Variants in SLC15A1 observed in about 807,000 individuals in gnomAD.
SLC15A1 encodes the protein Caco-2 oligopeptide transporter.
SLC15A1 carries 83 observed loss-of-function variants against 92.9 expected under a neutral mutation model. The ratio of observed to expected loss-of-function variants is 0.89; its 90% CI spans 0.75 to 1.07. The LOEUF is 1.07. Among genes scored for constraint, SLC15A1 ranks in the 50% least tolerant of loss-of-function variants. The pLI, the probability that SLC15A1 is intolerant of heterozygous loss-of-function variation, is 0.00. For synonymous variants in SLC15A1, 322 were observed against 318.2 expected (o/e 1.01, Z -0.13); for missense variants, 857 against 880.1 (o/e 0.97, Z 0.33).
rs8187838 is a variant in SLC15A1, at chr13:98,704,353, G to T, written c.1352C>A (p.Thr451Asn). 0.025 allele frequency: 41,139 copies of T among 1,613,798 alleles called. 697 individuals carry two copies. The highest frequency in any genetic ancestry group is 0.05 in the South Asian group (4,580 of 91,000). The change falls in exon 17 of 23, where the codon ACT becomes AAT. Residue 451 changes from threonine (T) to asparagine (N), a missense_variant. Transcript: ENST00000376503. ...GCGTTGGCCCTGCTTGAAGTCGTCA[G>T]TTACAGCAGTGACTGGTGATCCAGG... is the stretch of plus-strand genomic sequence containing the variant. ...SSPGSPVTAV[T>N]DDFKQGQRHT...
At chr13:98,730,263 G>A (rs1594004456) in intron 1 of SLC15A1, among the ~76,000 whole-genome samples, 1 of 68,916 alleles carries the variant, frequency 1.5e-5, no homozygotes, top group Non-Finnish European at 2.7e-5. Flanking sequence ...GGAAGGGGAG[G>A]GGAAGGGGAG....
Position 98,719,264 on chromosome 13 carries a change from G to A in SLC15A1, c.613C>T (p.Pro205Ser). 3 of 1,613,804 alleles carry A rather than the reference G, an allele frequency of 1.9e-6. No individual in the cohort carries two copies. The highest frequency in any genetic ancestry group is 2.5e-6 in the Non-Finnish European group (3 of 1,179,774). ...QACYPLAFGV[P>S]AALMAVALIV... The stretch of plus-strand genomic sequence containing the variant: ...AGGGCTACAGCCATGAGAGCAGCAG[G>A]AACCCCAAAGGCCAGTGGGTAACAA... Residue 205 changes from proline to serine, a missense_variant, in exon 8 of 23, where the codon CCT (proline) becomes TCT (serine). Coordinates refer to ENST00000376503, the MANE Select transcript of SLC15A1 (RefSeq NM_005073.4).
intron 18 of SLC15A1, among the ~76,000 whole-genome samples, chr13:98,697,607 G>A (rs1389795743): frequency 6.8e-6 from 1 of 146,822 alleles, no homozygotes; most frequent in Non-Finnish European, 1.5e-5. Context: ...CACAAAGACT[G>A]GCTGATGCTT....
chr13:98,719,342 A>G, intron 7 of SLC15A1, 22 bp from the exon 8 acceptor site: 1 of 1,570,148 alleles, frequency 6.4e-7, no homozygotes, highest in Middle Eastern at 1.7e-4. Flanking sequence ...TGACAAGATT[A>G]AAATTGTTAT....
At chr13:98,702,443 A>ATT in intron 18 of SLC15A1, 37 bp downstream of exon 18, 1 of 1,417,014 alleles carries the variant, frequency 7.1e-7, no homozygotes, top group Non-Finnish European at 1.0e-6. Flanking sequence ...TTTCATAAGA[A>ATT]TCTGATAAAA....
chr13:98,689,716 C>A (rs2087959952), intron 18 of SLC15A1, among the ~76,000 whole-genome samples: 1 of 152,176 alleles, frequency 6.6e-6, no homozygotes, highest in South Asian at 2.1e-4. Context: ...TCCCAAAGCA[C>A]TGGGATTATG....
At chr13:98,685,135 A>G (rs1171350439) in intron 22 of SLC15A1, among the ~76,000 whole-genome samples, 1 of 152,242 alleles carries the variant, frequency 6.6e-6, no homozygotes, top group Non-Finnish European at 1.5e-5. Context: ...TGTTTTGAAC[A>G]GCACTAAGGT....
intron 1 of SLC15A1, among the ~76,000 whole-genome samples, chr13:98,736,905 C>T (rs1309239104): frequency 1.3e-5 from 2 of 152,162 alleles, no homozygotes; most frequent in Non-Finnish European, 2.9e-5. Flanking sequence ...GGAGTGTAAA[C>T]TAGTTCAACC....
rs370733049 is a variant in SLC15A1, at chr13:98,719,224, G to A, written c.640+13C>T. 155 of 1,604,658 alleles carry A rather than the reference G, an allele frequency of 9.7e-5. No individual in the cohort carries two copies. Among genetic ancestry groups the A allele is most frequent in the Middle Eastern group, 3.3e-4 (2 of 6,054 alleles). On this transcript the variant is annotated intron_variant, in intron 8 of 22. Coordinates refer to ENST00000376503, the MANE Select transcript of SLC15A1 (RefSeq NM_005073.4). ...GTCCTAGGCTTCTATTAATTCAACC[G>A]ATTTCCACTTACTCAGGGCTACAGC...
intron 5 of SLC15A1, among the ~76,000 whole-genome samples, chr13:98,723,187 GAC>G: frequency 6.6e-6 from 1 of 152,216 alleles, no homozygotes; most frequent in South Asian, 2.1e-4. Flanking sequence ...TCCCTCCACC[GAC>G]ACAGTTCCCT....
rs548376910 is a variant in SLC15A1, at chr13:98,725,509, G to T, written c.245+614C>A. The stretch of plus-strand genomic sequence containing the variant: ...TTTAGAGAGTTTCTTCATATCCCCA[G>T]ACCTTAACTCCATGCCTCACACATC... On this transcript the variant is annotated intron_variant, in intron 4 of 22. Coordinates refer to ENST00000376503, the MANE Select transcript of SLC15A1 (RefSeq NM_005073.4). Among the ~76,000 whole-genome samples, 4 of 152,266 alleles carry T rather than the reference G, an allele frequency of 2.6e-5. 1 individual carries two copies. The highest frequency in any genetic ancestry group is 9.6e-5 in the African/African-American group (4 of 41,556).
chr13:98,706,775 T>C (rs764635047), intron 15 of SLC15A1, among the ~76,000 whole-genome samples: 1 of 152,130 alleles, frequency 6.6e-6, no homozygotes, highest in Non-Finnish European at 1.5e-5. Context: ...CAGTCTTGGG[T>C]ACGTCTTTAT....
Position 98,747,064 on chromosome 13 carries a change from T to A in SLC15A1, c.4+5531A>T, listed in dbSNP as rs1325275989. Among the ~76,000 whole-genome samples, 3 of 152,036 alleles carry A rather than the reference T, an allele frequency of 2.0e-5. No homozygotes were observed. In the South Asian group the frequency reaches 6.2e-4, roughly 32 times the overall value. On this transcript the variant is annotated intron_variant, in intron 1 of 22. Coordinates refer to ENST00000376503, the MANE Select transcript of SLC15A1 (RefSeq NM_005073.4). Reference sequence around the variant, plus strand: ...CCCGGCTGACACAGCCTCCTTTGTATCACATCCATGAGGTGAACCCAGGGT... The same window carrying A: ...CCCGGCTGACACAGCCTCCTTTGTAACACATCCATGAGGTGAACCCAGGGT...
rs111468594 is a variant in SLC15A1 at position 98,706,676 on chromosome 13, G to A, written c.1150-423C>T. Reference sequence around the variant, plus strand: ...CTTTTTGCCTGCAGCCATGCAAGATGTGCCTTTCACCTTCTGCCATGACTG... The same window carrying A: ...CTTTTTGCCTGCAGCCATGCAAGATATGCCTTTCACCTTCTGCCATGACTG... On this transcript the variant is annotated intron_variant, in intron 15 of 22. Coordinates refer to ENST00000376503, the MANE Select transcript of SLC15A1 (RefSeq NM_005073.4). 7.4e-3 allele frequency among the ~76,000 whole-genome samples: 1,122 copies of A among 152,240 alleles called. 14 individuals are homozygous for A. The highest frequency in any genetic ancestry group is 0.026 in the African/African-American group (1,063 of 41,538).
intron 1 of SLC15A1, among the ~76,000 whole-genome samples, chr13:98,748,772 C>T (rs1286911986): frequency 3.3e-5 from 5 of 151,530 alleles, no homozygotes; most frequent in Admixed American, 6.6e-5. Flanking sequence ...GGGCAGGGGT[C>T]AAAAAAAAGA....
rs150899840 is a variant in SLC15A1 at position 98,741,910 on chromosome 13, A to G, written c.4+10685T>C. On this transcript the variant is annotated intron_variant, in intron 1 of 22. Coordinates refer to ENST00000376503, the MANE Select transcript of SLC15A1 (RefSeq NM_005073.4). ...CAGACTCCAAGAATGAAGAAATCTCACTAACCCCTAACGGCAGGAAACTAA... is the reference window on the plus strand; with the variant it reads ...CAGACTCCAAGAATGAAGAAATCTCGCTAACCCCTAACGGCAGGAAACTAA... 7.4e-3 allele frequency among the ~76,000 whole-genome samples: 1,128 copies of G among 152,312 alleles called. 16 individuals carry two copies. The highest frequency in any genetic ancestry group is 0.026 in the African/African-American group (1,081 of 41,564).
chr13:98,704,137 T>C, intron 17 of SLC15A1, 152 bp downstream of exon 17: 2 of 640,996 alleles, frequency 3.1e-6, no homozygotes, highest in Non-Finnish European at 5.1e-6. Context: ...GTCTGACAGG[T>C]GTTCTTGAAG....
chr13:98,733,393 T>C (rs146640246), intron 1 of SLC15A1, among the ~76,000 whole-genome samples: 106 of 152,350 alleles, frequency 7.0e-4, no homozygotes, highest in Admixed American at 1.5e-3. Flanking sequence ...GTTGGTAAAA[T>C]GCTCTCTTTA....
chr13:98,740,278 C>T (rs1240795081), intron 1 of SLC15A1, among the ~76,000 whole-genome samples: 4 of 152,222 alleles, frequency 2.6e-5, no homozygotes, highest in Non-Finnish European at 5.9e-5. Flanking sequence ...GGCACGGCCC[C>T]TGTCCAGGGT....
Sources: gnomAD v4.1 joint callset for allele counts (sites outside exome capture counted in the v4.1 genomes callset) on GRCh38, gnomAD v4.1.1 for gene constraint, MANE v1.5 for transcripts, NCBI Gene and HGNC (gene_info 2026-07-23, HGNC 2026-07-21) for gene names.